The following TMEM237 variants were observed in gnomAD, a reference collection of about 807,000 sequenced individuals.
The protein encoded by TMEM237 is transmembrane protein 237.
Under a neutral mutation model 59.1 loss-of-function variants are expected in TMEM237, and 51 were observed. That is an observed-to-expected ratio of 0.86 (90% CI 0.69 to 1.09). The LOEUF (loss-of-function observed/expected upper bound fraction) is 1.09. Ranked by LOEUF, TMEM237 falls within the 50% of genes least tolerant of loss-of-function variation. TMEM237 has a pLI of 0.00. For synonymous variants in TMEM237, 140 were observed against 166.1 expected (o/e 0.84, Z 1.21); for missense variants, 475 against 478.3 (o/e 0.99, Z 0.06).
chr2:201,642,950 GCGTGA>G (rs1687460742), intron 1 of TMEM237: 1 of 1,320,412 alleles, frequency 7.6e-7, no homozygotes, highest in Admixed American at 4.0e-5. Flanking sequence ...GGGAAGCGGG[GCGTGA>G]CGGAAGACCT....
At chr2:201,642,397 A>G (rs1199070134) in intron 1 of TMEM237, among the ~76,000 whole-genome samples, 1 of 152,190 alleles carries the variant, frequency 6.6e-6, no homozygotes, top group Admixed American at 6.5e-5. Flanking sequence ...ACAATTGGAG[A>G]AGAATGACAG....
rs77017643 is a variant in TMEM237, at chr2:201,642,663, A to G, written c.42+696T>C. The stretch of plus-strand genomic sequence containing the variant: ...CCGGCCTCGGCGGCCGCCGGCCCCC[A>G]AGCACCTGGCGCCCCACCCCTCCCG... On this transcript the variant is annotated intron_variant, in intron 1 of 12. Coordinates refer to ENST00000409883, the MANE Select transcript of TMEM237 (RefSeq NM_001044385.3). 5.6e-6 allele frequency: 9 copies of G among 1,607,340 alleles called. No homozygotes were observed. The East Asian group carries it at 9.1e-5, about 16-fold the overall frequency.
In TMEM237 at chr2:201,628,162, A is replaced by G. The variant is rs1405086317; in HGVS notation, c.870-13T>C. The G allele has an allele frequency of 1.4e-6, 2 of 1,429,116 alleles. No individual in the cohort carries two copies. Among genetic ancestry groups the G allele is most frequent in the Admixed American group, 1.9e-5 (1 of 52,736 alleles). The allele number at this position is 1,429,116 out of a possible 1,614,324, so 88.5% of individuals were successfully genotyped here. On this transcript the variant is annotated splice_polypyrimidine_tract_variant and intron_variant, in intron 9 of 12. Transcript: ENST00000409883. ...AGCAAAGTCAATCCTAGAAAATATA[A>G]AAGTTTCTTGTCACAGCGCAGTTGT...
intron 5 of TMEM237, 120 bp downstream of exon 5, chr2:201,636,627 TA>T: frequency 8.5e-7 from 1 of 1,170,080 alleles, no homozygotes; most frequent in South Asian, 1.5e-5. Context: ...ATTTTAAACA[TA>T]AAAGCAAGAA....
At position 201,626,095 on chromosome 2, in the gene TMEM237, C is replaced by G. The variant is rs138509553; in HGVS notation, c.1090G>C (p.Val364Leu). ...GATAATCCAACCAGAAGAGCCACCACGAGATTCACCACAATCCATGGCTGG... is the reference window on the plus strand; with the variant it reads ...GATAATCCAACCAGAAGAGCCACCAGGAGATTCACCACAATCCATGGCTGG... ...ILQPWIVVNLVVALLVGLSWL... is the reference protein window; with the variant it reads ...ILQPWIVVNLLVALLVGLSWL... The change falls in exon 12 of 13, where the codon GTG (valine) becomes CTG (leucine). Residue 364 changes from valine (V) to leucine (L), a missense_variant. Transcript: ENST00000409883. 2.5e-6 allele frequency: 4 copies of G among 1,609,740 alleles called. No individual in the cohort carries two copies. In the Admixed American group the frequency reaches 5.0e-5, roughly 20 times the overall value.
chr2:201,642,680 C>T, intron 1 of TMEM237: 2 of 1,603,692 alleles, frequency 1.2e-6, no homozygotes, highest in East Asian at 2.3e-5. Flanking sequence ...TGGCGCCCCA[C>T]CCCTCCCGGC....
chr2:201,642,580 A>G, intron 1 of TMEM237: 1 of 1,601,768 alleles, frequency 6.2e-7, no homozygotes, highest in Non-Finnish European at 8.5e-7. Flanking sequence ...AAAAATCCTA[A>G]CAATTAAAAG....
Position 201,624,179 on chromosome 2 carries a change from A to C in TMEM237, c.*76T>G. 9.4e-7 allele frequency: 1 copy of C among 1,067,866 alleles called. No homozygotes were observed. Among genetic ancestry groups the C allele is most frequent in the South Asian group, 1.4e-5 (1 of 72,728 alleles). The allele number at this position is 1,067,866 out of a possible 1,614,324, so 66.1% of individuals were successfully genotyped here. On this transcript the variant is annotated 3_prime_UTR_variant, in exon 13 of 13. Coordinates refer to ENST00000409883, the MANE Select transcript of TMEM237 (RefSeq NM_001044385.3). Reference sequence around the variant, plus strand: ...AAATCTATTACAAATACACATGTATACATCTTATAAAAATACATTTAAAAA... The same window carrying C: ...AAATCTATTACAAATACACATGTATCCATCTTATAAAAATACATTTAAAAA...
rs1463185160 is a variant in TMEM237, at chr2:201,640,275, CAT to C, written c.75-12_75-11del. On this transcript the variant is annotated splice_polypyrimidine_tract_variant and intron_variant, in intron 2 of 12. Transcript: ENST00000409883. ...AACTAACTCACCTTGACTAACACGT[CAT>C]ATAACACCAAACAAATTTAATCAGC... The C allele has an allele frequency of 6.5e-7, 1 of 1,548,256 alleles. No individual in the cohort carries two copies.
Position 201,638,993 on chromosome 2 carries a change from T to G in TMEM237, c.132A>C (p.Thr44=), listed in dbSNP as rs747915597. The change falls in exon 4 of 13, where the codon ACA becomes ACC. Residue 44 remains threonine (T), a synonymous_variant. Coordinates refer to ENST00000409883, the MANE Select transcript of TMEM237 (RefSeq NM_001044385.3). ...CAACAAAGAATAACGTCTTACCTGG[T>G]GTGTTTTTTGTTCTGGGCTTCTTTT... ...PKKKKPRTKN[T]PASASLEGLA... 1 of 1,581,916 alleles carries G rather than the reference T, an allele frequency of 6.3e-7. No homozygotes were observed. Among genetic ancestry groups the G allele is most frequent in the Non-Finnish European group, 8.6e-7 (1 of 1,162,790 alleles).
chr2:201,625,306 G>A (rs1352543105), intron 12 of TMEM237, among the ~76,000 whole-genome samples: 1 of 151,710 alleles, frequency 6.6e-6, no homozygotes, highest in East Asian at 1.9e-4. Context: ...AGCTTGCAGT[G>A]AGCCCAGATC....
rs185038847 is a variant in TMEM237 at position 201,641,989 on chromosome 2, A to G, written c.43-1065T>C. ...GAAGTTTGGATTTTGTTTTAATTCA[A>G]TGGGAAACAAATGGAGGTTTTAAAC... On this transcript the variant is annotated intron_variant, in intron 1 of 12. Coordinates refer to ENST00000409883, the MANE Select transcript of TMEM237 (RefSeq NM_001044385.3). Among the ~76,000 whole-genome samples, 675 of 152,330 alleles carry G rather than the reference A, an allele frequency of 4.4e-3. 1 individual carries two copies. The highest frequency in any genetic ancestry group is 8.4e-3 in the Admixed American group (129 of 15,304).
chr2:201,636,188 G>A (rs1478567791), intron 5 of TMEM237: 1 of 152,154 alleles, frequency 6.6e-6, no homozygotes, highest in African/African-American at 2.4e-5. Context: ...TTTAATTACT[G>A]CAGCTATTGA....
intron 1 of TMEM237, chr2:201,642,672 G>A: frequency 1.2e-6 from 2 of 1,606,258 alleles, no homozygotes; most frequent in East Asian, 2.3e-5. Context: ...CAAGCACCTG[G>A]CGCCCCACCC....
chr2:201,640,233 A>G (rs1290869327), intron 3 of TMEM237, 28 bp downstream of exon 3: 5 of 1,543,714 alleles, frequency 3.2e-6, no homozygotes, highest in Admixed American at 2.0e-5. Context: ...TGAACACCAA[A>G]TATTATATTT....
intron 5 of TMEM237, 47 bp downstream of exon 5, chr2:201,636,701 C>T (rs1559589063): frequency 2.6e-6 from 4 of 1,540,802 alleles, no homozygotes; most frequent in South Asian, 1.2e-5. Flanking sequence ...ATCATGTCAT[C>T]AAAATCACAA....
chr2:201,640,302 C>T (rs1196824821), intron 2 of TMEM237, 37 bp from the exon 3 acceptor site: 7 of 1,539,602 alleles, frequency 4.5e-6, no homozygotes, highest in East Asian at 4.8e-5. Flanking sequence ...ATTTAATCAG[C>T]AGGACAAAGA....
chr2:201,621,570 C>G lies in TMEM237; in HGVS notation c.*2685G>C, dbSNP rs1038774185. 2.6e-5 allele frequency: 4 copies of G among 152,292 alleles called. No homozygotes were observed. The highest frequency in any genetic ancestry group is 9.7e-5 in the African/African-American group (4 of 41,334). The allele number at this position is 152,292 out of a possible 1,614,324, so 9.4% of individuals were successfully genotyped here. On this transcript the variant is annotated 3_prime_UTR_variant, in exon 13 of 13. Transcript: ENST00000409883. ...TGAGATGACTCAGAAAAAAAGAGAT[C>G]AACAGAAAAAAAGCGAATCCCATAA...
At chr2:201,629,484 T>C (rs1351259233) in intron 8 of TMEM237, 63 bp from the exon 9 acceptor site, 3 of 1,422,498 alleles carry the variant, frequency 2.1e-6, no homozygotes, top group Non-Finnish European at 2.8e-6. Context: ...AAAACATGTT[T>C]AAAATCTCTT....
Sources: gnomAD v4.1 joint callset for allele counts (sites outside exome capture counted in the v4.1 genomes callset) on GRCh38, gnomAD v4.1.1 for gene constraint, MANE v1.5 for transcripts, NCBI Gene and HGNC (gene_info 2026-07-23, HGNC 2026-07-21) for gene names.